The following ANKRD31 variants were observed in gnomAD, a reference collection of about 807,000 sequenced individuals.
ANKRD31 encodes ankyrin repeat domain-containing protein 31.
A neutral mutation model predicts 186.0 loss-of-function variants in ANKRD31; 147 were observed. That is an observed-to-expected ratio of 0.79 (90% confidence interval 0.69 to 0.91). The LOEUF is 0.91. Among genes scored for constraint, ANKRD31 ranks in the 40% least tolerant of loss-of-function variants. The pLI is 0.00. For synonymous variants in ANKRD31, 673 were observed against 736.4 expected, an observed-to-expected ratio of 0.91 and a Z score of 1.39; for missense variants, 1,986 against 2,148.8, an observed-to-expected ratio of 0.92 and a Z score of 1.50.
At chr5:75,107,759 A>C in intron 20 of ANKRD31, 142 bp from the exon 21 acceptor site, 1 of 563,456 alleles carries the variant, frequency 1.8e-6, no homozygotes. Flanking sequence ...AGATATCTCA[A>C]TTAAGGCTTA....
At chr5:75,100,395 T>A (rs933827982) in intron 22 of ANKRD31, among the ~76,000 whole-genome samples, 1 of 152,216 alleles carries the variant, frequency 6.6e-6, no homozygotes, top group African/African-American at 2.4e-5. Flanking sequence ...AGAATGTATA[T>A]TCTGTTGATT....
chr5:75,232,924 C>A (rs1204876018), intron 1 of ANKRD31, among the ~76,000 whole-genome samples: 1 of 152,180 alleles, frequency 6.6e-6, no homozygotes, highest in Non-Finnish European at 1.5e-5. Flanking sequence ...GAATTCTGTA[C>A]AAACAGATCT....
chr5:75,182,530 C>G (rs1754391708), intron 10 of ANKRD31, among the ~76,000 whole-genome samples: 1 of 151,988 alleles, frequency 6.6e-6, no homozygotes, highest in South Asian at 2.1e-4. Context: ...ACCAGCCTGG[C>G]CAACATGGTA....
At chr5:75,141,187 A>T (rs1438863202) in intron 15 of ANKRD31, among the ~76,000 whole-genome samples, 1 of 152,178 alleles carries the variant, frequency 6.6e-6, no homozygotes, top group Non-Finnish European at 1.5e-5. Context: ...AAGATTAGAG[A>T]ACCATTCTCT....
chr5:75,210,334 C>T (rs1428549512), intron 4 of ANKRD31, among the ~76,000 whole-genome samples: 5 of 152,212 alleles, frequency 3.3e-5, no homozygotes, highest in South Asian at 4.1e-4. Flanking sequence ...CCAACACGCC[C>T]GGCTAATTTT....
At chr5:75,197,891 G>A (rs908631808) in intron 6 of ANKRD31, among the ~76,000 whole-genome samples, 8 of 152,276 alleles carry the variant, frequency 5.3e-5, no homozygotes, top group East Asian at 1.9e-4. Context: ...CAAATTGGCC[G>A]TACTTTGTTG....
chr5:75,078,302 C>T (rs932572484), intron 25 of ANKRD31, among the ~76,000 whole-genome samples: 4 of 152,102 alleles, frequency 2.6e-5, no homozygotes, highest in African/African-American at 9.7e-5. Flanking sequence ...TATACTTCTA[C>T]AGAGAAATGA....
At chr5:75,069,411 T>A (rs1179509676) in intron 25 of ANKRD31, among the ~76,000 whole-genome samples, 1 of 152,146 alleles carries the variant, frequency 6.6e-6, no homozygotes, top group South Asian at 2.1e-4. Flanking sequence ...GCCCACATGC[T>A]TCTGGTAGAG....
At chr5:75,083,912 AG>A (rs1163628219) in intron 24 of ANKRD31, among the ~76,000 whole-genome samples, 1 of 152,238 alleles carries the variant, frequency 6.6e-6, no homozygotes, top group African/African-American at 2.4e-5. Flanking sequence ...TCAGACAAAA[AG>A]GGTCACATAT....
At chr5:75,159,500 T>C (rs1273564365) in intron 11 of ANKRD31, among the ~76,000 whole-genome samples, 3 of 151,950 alleles carry the variant, frequency 2.0e-5, no homozygotes, top group Non-Finnish European at 4.4e-5. Flanking sequence ...AAAGAACTTA[T>C]CATTTAGATA....
intron 9 of ANKRD31, among the ~76,000 whole-genome samples, chr5:75,190,202 A>T (rs750637894): frequency 5.3e-5 from 8 of 151,760 alleles, no homozygotes; most frequent in Non-Finnish European, 7.4e-5. Flanking sequence ...TGCATTTTTC[A>T]TAGAGACAGG....
chr5:75,192,747 C>T lies in ANKRD31; in HGVS notation c.1328G>A (p.Gly443Asp). The change falls in exon 9 of 26, where the codon GGT becomes GAT. Residue 443 changes from glycine (G) to aspartate (D), a missense_variant. Transcript: ENST00000506364. ...RMQDPALMIDGKEKNMHSARF... is the reference protein window; with the variant it reads ...RMQDPALMIDDKEKNMHSARF... ...TGCTGAATGCATATTCTTCTCTTTA[C>T]CATCAATCATTAAAGCCGGATCCTG... The T allele has an allele frequency of 6.5e-7, 1 of 1,535,152 alleles. No individual in the cohort carries two copies. Among genetic ancestry groups the T allele is most frequent in the Non-Finnish European group, 8.7e-7 (1 of 1,145,976 alleles).
At chr5:75,186,614 T>C (rs1190800656) in intron 10 of ANKRD31, among the ~76,000 whole-genome samples, 1 of 152,190 alleles carries the variant, frequency 6.6e-6, no homozygotes, top group East Asian at 1.9e-4. Context: ...AAATTTAAAA[T>C]GTGATCTATT....
chr5:75,079,795 C>A (rs971116810), intron 25 of ANKRD31, among the ~76,000 whole-genome samples: 4 of 152,074 alleles, frequency 2.6e-5, no homozygotes, highest in Admixed American at 2.6e-4. Flanking sequence ...CCTCTTATAT[C>A]CCACAATTAG....
At chr5:75,090,046 T>C (rs975817646) in intron 23 of ANKRD31, among the ~76,000 whole-genome samples, 1 of 152,230 alleles carries the variant, frequency 6.6e-6, no homozygotes, top group Admixed American at 6.5e-5. Context: ...GCATTCAGTA[T>C]GCTATCTGTC....
chr5:75,080,711 G>A, intron 24 of ANKRD31, 72 bp from the exon 25 acceptor site: 1 of 858,672 alleles, frequency 1.2e-6, no homozygotes, highest in Non-Finnish European at 1.7e-6. Flanking sequence ...TCAGGATGAT[G>A]GTCACCCTAC....
In ANKRD31 at chr5:75,098,159, A is replaced by G. The variant is rs571120897; in HGVS notation, c.5331+6069T>C. On this transcript the variant is annotated intron_variant, in intron 22 of 25. Transcript: ENST00000506364. ...AGGCGCCCACCACCATGCCCGGCTAATTTTTTTGTATTTTTAGTAGAGATG... is the reference window on the plus strand; with the variant it reads ...AGGCGCCCACCACCATGCCCGGCTAGTTTTTTTGTATTTTTAGTAGAGATG... Among the ~76,000 whole-genome samples the G allele has an allele frequency of 1.0e-3, 157 of 151,932 alleles. 1 individual carries two copies. The highest frequency in any genetic ancestry group is 3.4e-3 in the Middle Eastern group (1 of 294).
intron 17 of ANKRD31, among the ~76,000 whole-genome samples, chr5:75,120,826 A>T (rs1269686418): frequency 1.3e-5 from 2 of 152,222 alleles, no homozygotes; most frequent in East Asian, 3.8e-4. Flanking sequence ...GATAGGCAGA[A>T]TGGATTTTTA....
chr5:75,176,513 C>T (rs972808793), intron 10 of ANKRD31, among the ~76,000 whole-genome samples: 2 of 152,084 alleles, frequency 1.3e-5, no homozygotes, highest in Non-Finnish European at 2.9e-5. Context: ...CTCACATGGC[C>T]GGGTACTCCT....
Sources: allele counts gnomAD v4.1 joint callset (sites outside exome capture counted in the v4.1 genomes callset), GRCh38; gene constraint gnomAD v4.1.1; transcripts MANE v1.5; gene names NCBI Gene and HGNC (gene_info 2026-07-23, HGNC 2026-07-21).